Variants in WRNIP1 observed in about 807,000 individuals in gnomAD.
WRNIP1 encodes the protein ATPase WRNIP1.
A neutral mutation model predicts 56.1 loss-of-function variants in WRNIP1; 41 were observed. The ratio of observed to expected loss-of-function variants is 0.73; its 90% CI spans 0.57 to 0.95. The LOEUF is 0.95. WRNIP1 is among the 40% of genes least tolerant of loss of function. The probability of loss-of-function intolerance (pLI) is 0.00; values close to 1 mark genes in which losing one functional copy is unlikely to be tolerated. For synonymous variants in WRNIP1, 547 were observed against 398.1 expected (o/e 1.37, Z -4.45); for missense variants, 1,170 against 939.4 (o/e 1.25, Z -3.21).
Position 2,766,405 on chromosome 6 carries a change from C to T in WRNIP1, c.783C>T (p.Ile261=), listed in dbSNP as rs148289495. Residue 261 remains isoleucine, a synonymous_variant, in exon 1 of 7, where the codon ATC becomes ATT. Coordinates refer to ENST00000380773, the MANE Select transcript of WRNIP1 (RefSeq NM_020135.3). ...LLRSLLETNE[I]PSLILWGPPG... The stretch of plus-strand genomic sequence containing the variant: ...GCTCGCTCCTGGAGACCAACGAAAT[C>T]CCCTCGCTTATCCTGTGGGGGCCGC... The T allele has an allele frequency of 1.4e-5, 22 of 1,604,762 alleles. No individual in the cohort carries two copies. The highest frequency in any genetic ancestry group is 1.7e-4 in the Middle Eastern group (1 of 6,056).
intron 3 of WRNIP1, chr6:2,773,443 G>A: frequency 1.0e-6 from 1 of 985,418 alleles, no homozygotes; most frequent in Non-Finnish European, 1.2e-6. Flanking sequence ...GAGTTTTGAA[G>A]GATAAGCAGA....
chr6:2,765,548 G>C lies in WRNIP1; in HGVS notation c.-75G>C, dbSNP rs1180983815. 12 of 1,359,596 alleles carry C rather than the reference G, an allele frequency of 8.8e-6. No individual in the cohort carries two copies. Among genetic ancestry groups the C allele is most frequent in the Non-Finnish European group, 9.4e-6 (10 of 1,063,782 alleles). 84.2% of individuals were successfully genotyped at this position (1,359,596 alleles called of 1,614,324 possible). On this transcript the variant is annotated 5_prime_UTR_variant, in exon 1 of 7. Transcript: ENST00000380773. The stretch of plus-strand genomic sequence containing the variant: ...AGGGTCTCGCGGCGCGGGGCCTAGC[G>C]GAGGGCATCGAAGGCCTCCGCGTGC...
chr6:2,765,593 C>G lies in WRNIP1; in HGVS notation c.-30C>G, dbSNP rs201830012. On this transcript the variant is annotated 5_prime_UTR_variant, in exon 1 of 7. Coordinates refer to ENST00000380773, the MANE Select transcript of WRNIP1 (RefSeq NM_020135.3). ...GCGTGCGCACGGGTTGCTGCGGCCG[C>G]GCCGGGCGCCGGGGAGGGCGGCGGC... 6.8e-7 allele frequency: 1 copy of G among 1,471,764 alleles called. No homozygotes were observed. Among genetic ancestry groups the G allele is most frequent in the Non-Finnish European group, 8.9e-7 (1 of 1,118,506 alleles). The allele number at this position is 1,471,764 out of a possible 1,614,324, so 91.2% of individuals were successfully genotyped here. A position where few individuals can be genotyped will look rare whatever the true frequency, so the allele number is the denominator to read the frequency against.
intron 3 of WRNIP1, chr6:2,773,872 T>G: frequency 1.0e-6 from 1 of 985,290 alleles, no homozygotes. Flanking sequence ...TAGGCTGAGT[T>G]CCGAGAGGTG....
chr6:2,766,170 AGGACGACCCGGGGCACTGGGACGC>A lies in WRNIP1; in HGVS notation c.554_577del (p.Asp185_Asp192del). 1.5e-6 allele frequency: 2 copies of A among 1,342,624 alleles called. No homozygotes were observed. Among genetic ancestry groups the A allele is most frequent in the Non-Finnish European group, 1.9e-6 (2 of 1,052,598 alleles). The allele number at this position is 1,342,624 out of a possible 1,614,324, so 83.2% of individuals were successfully genotyped here. A position where few individuals can be genotyped will look rare whatever the true frequency, so the allele number is the denominator to read the frequency against. On this transcript the variant is annotated inframe_deletion, in exon 1 of 7. Transcript: ENST00000380773. The stretch of plus-strand genomic sequence containing the variant: ...GACGGGGACGCGGACGCGGACGGCG[AGGACGACCCGGGGCACTGGGACGC>A]GGACGCTGCCGAAGCCGCCACCGCC...
At chr6:2,775,992 CTT>C (rs1765422640) in intron 3 of WRNIP1, among the ~76,000 whole-genome samples, 1 of 152,116 alleles carries the variant, frequency 6.6e-6, no homozygotes, top group South Asian at 2.1e-4. Context: ...GTGCAAAACA[CTT>C]TATAAATATA....
intron 3 of WRNIP1, among the ~76,000 whole-genome samples, chr6:2,777,627 G>A (rs1331211550): frequency 2.0e-5 from 3 of 152,162 alleles, no homozygotes; most frequent in East Asian, 3.9e-4. Flanking sequence ...GGCATGTCAC[G>A]TACTGCTACA....
At position 2,766,029 on chromosome 6, in the gene WRNIP1, G is replaced by T; in HGVS notation, c.407G>T (p.Arg136Met). The T allele has an allele frequency of 2.3e-6, 3 of 1,317,716 alleles. No individual in the cohort carries two copies. Among genetic ancestry groups the T allele is most frequent in the Non-Finnish European group, 2.9e-6 (3 of 1,036,288 alleles). The allele number at this position is 1,317,716 out of a possible 1,614,324, so 81.6% of individuals were successfully genotyped here. The change falls in exon 1 of 7, where the codon AGG (arginine) becomes ATG (methionine). Residue 136 changes from arginine to methionine, a missense_variant. By Grantham distance (91) the Arg-to-Met change is moderately conservative. Transcript: ENST00000380773. ...GTGGCCCGCTCCAGCAGCCCCGGGA[G>T]GAAGGGGTCGGGGAAGAGGCCGGCG... ...FPVARSSSPG[R>M]KGSGKRPAAA...
Position 2,770,341 on chromosome 6 carries a change from C to T in WRNIP1, c.1236C>T (p.His412=). Residue 412 remains histidine, a synonymous_variant, in exon 3 of 7, where the codon CAC becomes CAT. Transcript: ENST00000380773. Reference sequence around the variant, plus strand: ...GCCGTCCCACTGACCCTCTGAGCCACAGCAGCAACAGCAGCTCAGAGTAAG... The same window carrying T: ...GCCGTCCCACTGACCCTCTGAGCCATAGCAGCAACAGCAGCTCAGAGTAAG... The part of the protein sequence containing the change: ...DSSRPTDPLS[H]SSNSSSEPAM... 6.2e-7 allele frequency: 1 copy of T among 1,614,160 alleles called. No individual in the cohort carries two copies.
rs748030983 is a variant in WRNIP1, at chr6:2,785,120, C to G, written c.1836C>G (p.Pro612=). ...TGAGGAACCACCAGGGGCCACTGCCCCCCGTGCCCCTGCACCTGAGGAACG... is the reference window on the plus strand; with the variant it reads ...TGAGGAACCACCAGGGGCCACTGCCGCCCGTGCCCCTGCACCTGAGGAACG... The part of the protein sequence containing the change: ...ACLRNHQGPL[P]PVPLHLRNAP... The change falls in exon 7 of 7, where the codon CCC becomes CCG. Residue 612 remains proline, a synonymous_variant. Transcript: ENST00000380773. The G allele has an allele frequency of 1.2e-6, 2 of 1,614,202 alleles. No homozygotes were observed. Among genetic ancestry groups the G allele is most frequent in the South Asian group, 2.2e-5 (2 of 91,082 alleles).
rs149606454 is a variant in WRNIP1 at position 2,773,489 on chromosome 6, G to A, written c.1256+3128G>A. Reference sequence around the variant, plus strand: ...GTGAAATAGAAAGCTCATTGTCTACGCCATAGTTGCTTTGGTTTGTATGGC... The same window carrying A: ...GTGAAATAGAAAGCTCATTGTCTACACCATAGTTGCTTTGGTTTGTATGGC... On this transcript the variant is annotated intron_variant, in intron 3 of 6. Coordinates refer to ENST00000380773, the MANE Select transcript of WRNIP1 (RefSeq NM_020135.3). The A allele has an allele frequency of 7.1e-6, 7 of 985,374 alleles. No homozygotes were observed. The South Asian group carries it at 1.4e-4, about 20-fold the overall frequency. The allele number at this position is 985,374 out of a possible 1,614,324, so 61.0% of individuals were successfully genotyped here. A position where few individuals can be genotyped will look rare whatever the true frequency, so the allele number is the denominator to read the frequency against.
intron 1 of WRNIP1, among the ~76,000 whole-genome samples, chr6:2,766,908 TC>T (rs1765033470): frequency 6.6e-6 from 1 of 152,218 alleles, no homozygotes; most frequent in African/African-American, 2.4e-5. Context: ...TCCTTCCTTT[TC>T]CACTAGTTGT....
chr6:2,784,637 G>A (rs1163656883), intron 6 of WRNIP1, among the ~76,000 whole-genome samples: 1 of 152,160 alleles, frequency 6.6e-6, no homozygotes. Context: ...CAGAGCACAT[G>A]CTCCATATGT....
At chr6:2,772,046 A>G (rs1765300721) in intron 3 of WRNIP1, among the ~76,000 whole-genome samples, 1 of 152,228 alleles carries the variant, frequency 6.6e-6, no homozygotes, top group African/African-American at 2.4e-5. Flanking sequence ...TGTTACTCAG[A>G]TACCCTCAGG....
Position 2,770,152 on chromosome 6 carries a change from G to A in WRNIP1, c.1047G>A (p.Thr349=). The A allele has an allele frequency of 4.3e-6, 7 of 1,614,188 alleles. No homozygotes were observed. The highest frequency in any genetic ancestry group is 5.1e-6 in the Non-Finnish European group (6 of 1,180,024). ...DTFLPHVECG[T]ITLIGATTEN... ...TCCTTCCTCACGTGGAATGTGGGACGATCACTCTGATTGGGGCAACCACTG... is the reference window on the plus strand; with the variant it reads ...TCCTTCCTCACGTGGAATGTGGGACAATCACTCTGATTGGGGCAACCACTG... Residue 349 remains threonine (T), a synonymous_variant, in exon 3 of 7, where the codon ACG becomes ACA. Transcript: ENST00000380773.
intron 3 of WRNIP1, chr6:2,774,252 G>C (rs1284667709): frequency 2.0e-6 from 2 of 985,414 alleles, no homozygotes; most frequent in Non-Finnish European, 2.4e-6. Flanking sequence ...CAGAACCACA[G>C]ATCTCATGGT....
chr6:2,783,500 GGGA>G lies in WRNIP1; in HGVS notation c.1586_1588del (p.Gly529del), dbSNP rs901516694. On this transcript the variant is annotated inframe_deletion, in exon 5 of 7. Transcript: ENST00000380773. ...TCTACTGGCTGGCTCGCATGCTCGA[GGGA>G]GGAGAGGACCCACTCTACGTGGCAC... 6.2e-7 allele frequency: 1 copy of G among 1,613,816 alleles called. No homozygotes were observed. The highest frequency in any genetic ancestry group is 1.3e-5 in the African/African-American group (1 of 74,904).
intron 3 of WRNIP1, among the ~76,000 whole-genome samples, chr6:2,777,485 A>G (rs1027379250): frequency 6.6e-6 from 1 of 152,094 alleles, no homozygotes; most frequent in Non-Finnish European, 1.5e-5. Flanking sequence ...CAGCTTTCCA[A>G]GGAGAGAGAA....
At chr6:2,778,049 T>C (rs1387798506) in intron 3 of WRNIP1, among the ~76,000 whole-genome samples, 1 of 152,192 alleles carries the variant, frequency 6.6e-6, no homozygotes, top group Admixed American at 6.5e-5. Flanking sequence ...AACAAATCCT[T>C]CCGTGAATGA....
Sources: gnomAD v4.1 joint callset for allele counts (sites outside exome capture counted in the v4.1 genomes callset) on GRCh38, gnomAD v4.1.1 for gene constraint, MANE v1.5 for transcripts, NCBI Gene and HGNC (gene_info 2026-07-23, HGNC 2026-07-21) for gene names.